GPLD1: variants seen among roughly 807,000 people sequenced by gnomAD.
The protein encoded by GPLD1 is glycosylphosphatidylinositol specific phospholipase D1.
In GPLD1, 84 loss-of-function variants were observed where a neutral mutation model predicts 112.6. The observed-to-expected ratio is 0.75, with a 90% confidence interval of 0.63 to 0.89. The LOEUF is 0.89. Ranked by LOEUF, GPLD1 falls within the 40% of genes least tolerant of loss-of-function variation. The pLI is 0.00. For missense variants in GPLD1, 1,044 were observed against 1,051.5 expected, an observed-to-expected ratio of 0.99 and a Z score of 0.10; for synonymous variants, 386 against 403.8, an observed-to-expected ratio of 0.96 and a Z score of 0.53.
chr6:24,432,487 G>A (rs1762437130), intron 24 of GPLD1, among the ~76,000 whole-genome samples: 1 of 152,080 alleles, frequency 6.6e-6, no homozygotes, highest in Admixed American at 6.6e-5. Context: ...TGTAATCCCA[G>A]CTACTTGGGA....
intron 20 of GPLD1, among the ~76,000 whole-genome samples, chr6:24,437,818 C>T (rs1762627797): frequency 1.3e-5 from 2 of 152,242 alleles, no homozygotes; most frequent in Non-Finnish European, 2.9e-5. Flanking sequence ...CCCCTGTCCA[C>T]ATCCCTCTGC....
chr6:24,462,581 C>G, intron 11 of GPLD1, 149 bp downstream of exon 11: 1 of 629,528 alleles, frequency 1.6e-6, no homozygotes, highest in Non-Finnish European at 2.9e-6. Context: ...AATCAAGCAG[C>G]TTGTTTAAAA....
chr6:24,479,954 T>C lies in GPLD1; in HGVS notation c.159A>G (p.Leu53=), dbSNP rs751135475. 3.1e-6 allele frequency: 5 copies of C among 1,602,674 alleles called. No homozygotes were observed. In the South Asian group the frequency reaches 4.4e-5, roughly 14 times the overall value. ...CCTGATACGCATCCTGGTGTTCTAGTAACAGCTGCAGAGCAAGAAAATACA... is the reference window on the plus strand; with the variant it reads ...CCTGATACGCATCCTGGTGTTCTAGCAACAGCTGCAGAGCAAGAAAATACA... ...HNGRVNYREL[L]LEHQDAYQAG... Residue 53 remains leucine (L), a synonymous_variant, in exon 3 of 25, where the codon TTA becomes TTG. Coordinates refer to ENST00000230036, the MANE Select transcript of GPLD1 (RefSeq NM_001503.4).
intron 21 of GPLD1, 81 bp from the exon 22 acceptor site, chr6:24,436,817 C>T (rs751491345): frequency 1.5e-6 from 2 of 1,366,518 alleles, no homozygotes; most frequent in Non-Finnish European, 2.0e-6. Flanking sequence ...TGGATCCTAA[C>T]CCAACCTCTT....
At position 24,467,283 on chromosome 6, in the gene GPLD1, T is replaced by C; in HGVS notation, c.546-9A>G. On this transcript the variant is annotated splice_polypyrimidine_tract_variant and intron_variant, in intron 7 of 24. Transcript: ENST00000230036. ...CTTTGACTGGCACATACCTGAAAAATGCAGAATAAAGTAAGAGTTGTTTTG... is the reference window on the plus strand; with the variant it reads ...CTTTGACTGGCACATACCTGAAAAACGCAGAATAAAGTAAGAGTTGTTTTG... The C allele has an allele frequency of 7.0e-7, 1 of 1,438,354 alleles. No individual in the cohort carries two copies. The highest frequency in any genetic ancestry group is 1.1e-5 in the South Asian group (1 of 87,038). 89.1% of individuals were successfully genotyped at this position (1,438,354 alleles called of 1,614,324 possible). A position where few individuals can be genotyped will look rare whatever the true frequency, so the allele number is the denominator to read the frequency against.
At chr6:24,480,080 A>G in intron 2 of GPLD1, 121 bp from the exon 3 acceptor site, 1 of 641,464 alleles carries the variant, frequency 1.6e-6, no homozygotes, top group Non-Finnish European at 2.8e-6. Context: ...AATGAAAGGG[A>G]AAAAGGAAGG....
At position 24,476,255 on chromosome 6, in the gene GPLD1, T is replaced by C; in HGVS notation, c.256A>G (p.Ser86Gly). ...KGGKFHDVSESTHWTPFLNAS... is the reference protein window; with the variant it reads ...KGGKFHDVSEGTHWTPFLNAS... ...TTAAGAAACGGAGTCCAGTGAGTGC[T>C]CTCAGACACATCATGGAATTTTCCT... The change falls in exon 4 of 25, where the codon AGC (serine) becomes GGC (glycine). Residue 86 changes from serine to glycine, a missense_variant. By Grantham distance (56) the Ser-to-Gly change is moderately conservative. Coordinates refer to ENST00000230036, the MANE Select transcript of GPLD1 (RefSeq NM_001503.4). 1 of 1,556,180 alleles carries C rather than the reference T, an allele frequency of 6.4e-7. No homozygotes were observed. Among genetic ancestry groups the C allele is most frequent in the East Asian group, 2.3e-5 (1 of 43,324 alleles).
At chr6:24,448,993 A>T (rs754252820) in intron 15 of GPLD1, among the ~76,000 whole-genome samples, 1 of 152,034 alleles carries the variant, frequency 6.6e-6, no homozygotes, top group African/African-American at 2.4e-5. Context: ...CCAGGGAAGA[A>T]GGGGATATAA....
intron 15 of GPLD1, 48 bp downstream of exon 15, chr6:24,449,741 C>G (rs1242043534): frequency 7.5e-7 from 1 of 1,332,978 alleles, no homozygotes. Context: ...TCAGAGTCCC[C>G]TCCCTGCCAC....
intron 13 of GPLD1, among the ~76,000 whole-genome samples, chr6:24,455,756 C>T (rs1763245142): frequency 6.6e-6 from 1 of 152,198 alleles, no homozygotes. Flanking sequence ...CAGAGCTTTA[C>T]AAAAATTCCA....
chr6:24,460,446 C>A (rs201965074), intron 11 of GPLD1, 47 bp from the exon 12 acceptor site: 10 of 1,599,410 alleles, frequency 6.3e-6, no homozygotes, highest in Admixed American at 1.7e-5. Context: ...GAGAAAACAA[C>A]CCCCTGTAAA....
intron 3 of GPLD1, among the ~76,000 whole-genome samples, chr6:24,478,042 T>A (rs1764081002): frequency 6.6e-6 from 1 of 152,242 alleles, no homozygotes; most frequent in Non-Finnish European, 1.5e-5. Flanking sequence ...ATACTTTACA[T>A]TCCTTTTCCA....
rs745811929 is a variant in GPLD1 at position 24,427,432 on chromosome 6, C to T, written c.*1600G>A. 1.7e-4 allele frequency among the ~76,000 whole-genome samples: 26 copies of T among 152,184 alleles called. No individual in the cohort carries two copies. Among genetic ancestry groups the T allele is most frequent in the Non-Finnish European group, 3.5e-4 (24 of 68,044 alleles). ...TTAAAACTAGCAGTGTCGCTAGGCT[C>T]TTTAGGTGTTAGAACAGCCAACTCT... On this transcript the variant is annotated 3_prime_UTR_variant, in exon 25 of 25. Coordinates refer to ENST00000230036, the MANE Select transcript of GPLD1 (RefSeq NM_001503.4).
At chr6:24,486,424 T>C (rs1764378337) in intron 1 of GPLD1, among the ~76,000 whole-genome samples, 1 of 152,146 alleles carries the variant, frequency 6.6e-6, no homozygotes, top group East Asian at 1.9e-4. Flanking sequence ...TTCCCTCCTA[T>C]GGAAAAGAGT....
Position 24,479,871 on chromosome 6 carries a change from T to C in GPLD1, c.232+10A>G. 1 of 1,548,380 alleles carries C rather than the reference T, an allele frequency of 6.5e-7. No individual in the cohort carries two copies. The highest frequency in any genetic ancestry group is 1.1e-5 in the South Asian group (1 of 89,788). ...AGTGACTTCATTCAGTCTGCAAACT[T>C]TCATCTTACCTCCTTTGCAGATGCT... is the stretch of plus-strand genomic sequence containing the variant. On this transcript the variant is annotated intron_variant, in intron 3 of 24. Transcript: ENST00000230036.
In GPLD1 at chr6:24,433,370, G is replaced by C. The variant is rs1256603636; in HGVS notation, c.2378C>G (p.Ser793Cys). The C allele has an allele frequency of 6.2e-7, 1 of 1,607,112 alleles. No individual in the cohort carries two copies. Among genetic ancestry groups the C allele is most frequent in the Non-Finnish European group, 8.5e-7 (1 of 1,174,460 alleles). Residue 793 changes from serine to cysteine, a missense_variant, in exon 23 of 25, where the codon TCT becomes TGT. Coordinates refer to ENST00000230036, the MANE Select transcript of GPLD1 (RefSeq NM_001503.4). ...CTTTCAAGGGATACTTACTTCAGGA[G>C]AAATCAATACATATTGGGCCTGAAG... ...PEEKAQYVLI[S>C]PEASSRFGSS... is the part of the protein sequence containing the mutation.
chr6:24,445,116 C>A (rs1279285480), intron 20 of GPLD1, among the ~76,000 whole-genome samples: 1 of 152,060 alleles, frequency 6.6e-6, no homozygotes, highest in African/African-American at 2.4e-5. Context: ...CAACTTCTGC[C>A]TCCCAGATTC....
intron 10 of GPLD1, among the ~76,000 whole-genome samples, chr6:24,464,716 T>G (rs1271605884): frequency 1.3e-5 from 2 of 152,144 alleles, no homozygotes; most frequent in African/African-American, 4.8e-5. Flanking sequence ...CCTGGAACAG[T>G]CTCCCAGGCA....
intron 5 of GPLD1, 60 bp downstream of exon 5, chr6:24,475,061 G>T: frequency 1.2e-6 from 1 of 859,022 alleles, no homozygotes; most frequent in Non-Finnish European, 2.0e-6. Flanking sequence ...GTCAGGTTTT[G>T]ATCTTAGGTG....
Sources: gnomAD v4.1 joint callset for allele counts (sites outside exome capture counted in the v4.1 genomes callset) on GRCh38, gnomAD v4.1.1 for gene constraint, MANE v1.5 for transcripts, NCBI Gene and HGNC (gene_info 2026-07-23, HGNC 2026-07-21) for gene names.